SETBP1: variants seen among roughly 807,000 people sequenced by gnomAD.
SETBP1 encodes SET-binding protein.
Under a neutral mutation model 101.0 loss-of-function variants are expected in SETBP1, and 9 were observed. The ratio of observed to expected loss-of-function variants is 0.09; its 90% CI spans 0.05 to 0.16. The LOEUF (loss-of-function observed/expected upper bound fraction) is 0.16. Among genes scored for constraint, SETBP1 ranks in the 10% least tolerant of loss-of-function variants. The probability of loss-of-function intolerance (pLI) is 1.00; values close to 1 mark genes in which losing one functional copy is unlikely to be tolerated. For synonymous variants in SETBP1, 818 were observed against 788.5 expected, an observed-to-expected ratio of 1.04 and a Z score of -0.63; for missense variants, 1,858 against 2,033.8, an observed-to-expected ratio of 0.91 and a Z score of 1.66.
chr18:44,850,669 C>T (rs1480860842), intron 2 of SETBP1, among the ~76,000 whole-genome samples: 1 of 151,912 alleles, frequency 6.6e-6, no homozygotes, highest in East Asian at 1.9e-4. Context: ...CAGCACCCGG[C>T]ACCAGATGGC....
intron 2 of SETBP1, among the ~76,000 whole-genome samples, chr18:44,754,073 A>G (rs1235650266): frequency 6.6e-6 from 1 of 152,192 alleles, no homozygotes; most frequent in Middle Eastern, 3.2e-3. Flanking sequence ...TAAAAACCCT[A>G]CAAACCAGTT....
chr18:44,965,255 C>A (rs565389580), intron 4 of SETBP1, among the ~76,000 whole-genome samples: 1 of 144,066 alleles, frequency 6.9e-6, no homozygotes, highest in South Asian at 2.2e-4. Context: ...CGCACACATA[C>A]AACAGACAGA....
intron 2 of SETBP1, among the ~76,000 whole-genome samples, chr18:44,821,063 C>T (rs2072104707): frequency 6.6e-6 from 1 of 152,190 alleles, no homozygotes; most frequent in Admixed American, 6.5e-5. Context: ...GATGTATTGA[C>T]TCTGGAAACA....
chr18:44,861,426 G>A (rs189775369), intron 2 of SETBP1, among the ~76,000 whole-genome samples: 2 of 151,228 alleles, frequency 1.3e-5, no homozygotes, highest in East Asian at 1.9e-4. Flanking sequence ...ATTTTTAATA[G>A]AGATGAGGTG....
At chr18:44,699,806 G>A (rs779453674) in intron 1 of SETBP1, among the ~76,000 whole-genome samples, 21 of 152,218 alleles carry the variant, frequency 1.4e-4, no homozygotes, top group South Asian at 6.2e-4. Context: ...TTCCTGGCTG[G>A]CTTCCTCACA....
chr18:44,934,444 C>A (rs555090107), intron 3 of SETBP1, among the ~76,000 whole-genome samples: 1 of 152,318 alleles, frequency 6.6e-6, no homozygotes, highest in South Asian at 2.1e-4. Flanking sequence ...CCACTGTGCC[C>A]AGCCTGTTTT....
At chr18:44,962,542 G>A (rs2071634111) in intron 4 of SETBP1, among the ~76,000 whole-genome samples, 1 of 152,162 alleles carries the variant, frequency 6.6e-6, no homozygotes, top group South Asian at 2.1e-4. Flanking sequence ...GGAGACAAGA[G>A]ATGGATATAG....
At chr18:44,967,485 A>T (rs1169301228) in intron 4 of SETBP1, among the ~76,000 whole-genome samples, 2 of 152,242 alleles carry the variant, frequency 1.3e-5, no homozygotes, top group Non-Finnish European at 2.9e-5. Context: ...GTTTAAAACA[A>T]TGCAAACGTG....
chr18:44,725,364 C>A (rs1227185192), intron 2 of SETBP1, among the ~76,000 whole-genome samples: 1 of 152,098 alleles, frequency 6.6e-6, no homozygotes, highest in East Asian at 1.9e-4. Context: ...TAATGAGTTA[C>A]CTGTACTGTC....
intron 3 of SETBP1, among the ~76,000 whole-genome samples, chr18:44,885,395 A>C (rs1305646774): frequency 6.6e-6 from 1 of 152,172 alleles, no homozygotes; most frequent in African/African-American, 2.4e-5. Context: ...AAAGGGACTT[A>C]ATAGGCCATA....
intron 3 of SETBP1, among the ~76,000 whole-genome samples, chr18:44,946,786 A>G (rs936270775): frequency 1.3e-5 from 2 of 152,214 alleles, no homozygotes; most frequent in Non-Finnish European, 2.9e-5. Flanking sequence ...AAGTACTTAT[A>G]GTCTAGGAAA....
intron 2 of SETBP1, among the ~76,000 whole-genome samples, chr18:44,868,667 C>CGA (rs147824825): frequency 0.1 from 9,139 of 87,076 alleles, 993 homozygotes; most frequent in East Asian, 0.22. Flanking sequence ...TGTACTCCAG[C>CGA]GAGAGAGAGA....
At chr18:44,866,740 T>C (rs147559944) in intron 2 of SETBP1, among the ~76,000 whole-genome samples, 98 of 152,318 alleles carry the variant, frequency 6.4e-4, no homozygotes, top group African/African-American at 2.3e-3. Flanking sequence ...AGCCTTTTAT[T>C]TTCCGTCCTT....
At chr18:44,931,474 G>A (rs765434506) in intron 3 of SETBP1, among the ~76,000 whole-genome samples, 1 of 152,164 alleles carries the variant, frequency 6.6e-6, no homozygotes, top group African/African-American at 2.4e-5. Flanking sequence ...GCAGAGCTGA[G>A]TTCAATTCCT....
intron 2 of SETBP1, among the ~76,000 whole-genome samples, chr18:44,856,450 C>T (rs2072979050): frequency 6.6e-6 from 1 of 152,206 alleles, no homozygotes; most frequent in Admixed American, 6.5e-5. Context: ...GTTTCCAGCC[C>T]TTCCTGTTTT....
intron 1 of SETBP1, among the ~76,000 whole-genome samples, chr18:44,699,407 CGTAAAGTCAACTTGA>C (rs1202671175): frequency 5.3e-5 from 8 of 152,014 alleles, no homozygotes; most frequent in African/African-American, 1.9e-4. Flanking sequence ...GAGAGGCCTC[CGTAAAGTCAACTTGA>C]GTATAACTTT....
chr18:44,986,310 A>G (rs1165162812), intron 4 of SETBP1: 1 of 152,194 alleles, frequency 6.6e-6, no homozygotes, highest in East Asian at 1.9e-4. Flanking sequence ...TCTCTAGCGC[A>G]CTTATTGTGA....
chr18:45,055,492 A>G (rs1488323584), intron 5 of SETBP1, among the ~76,000 whole-genome samples: 1 of 152,192 alleles, frequency 6.6e-6, no homozygotes, highest in Non-Finnish European at 1.5e-5. Context: ...ACTGATTTAA[A>G]TATTTTTAAT....
intron 3 of SETBP1, among the ~76,000 whole-genome samples, chr18:44,881,193 T>C (rs1442259814): frequency 6.6e-6 from 1 of 152,198 alleles, no homozygotes; most frequent in East Asian, 1.9e-4. Context: ...TCACTCACCA[T>C]GATTTTATGG....
Sources: gnomAD v4.1 joint callset for allele counts (sites outside exome capture counted in the v4.1 genomes callset) on GRCh38, gnomAD v4.1.1 for gene constraint, MANE v1.5 for transcripts, NCBI Gene and HGNC (gene_info 2026-07-23, HGNC 2026-07-21) for gene names.